Variants in ADGRE2 observed in about 807,000 individuals in gnomAD.
ADGRE2 encodes adhesion G protein-coupled receptor E2.
A neutral mutation model predicts 100.8 loss-of-function variants in ADGRE2; 83 were observed. The ratio of observed to expected loss-of-function variants is 0.82; its 90% CI spans 0.69 to 0.99. ADGRE2 has a LOEUF of 0.99. ADGRE2 is among the 50% of genes least tolerant of loss of function. The pLI is 0.00. For synonymous variants in ADGRE2, 355 were observed against 413.0 expected, an observed-to-expected ratio of 0.86 and a Z score of 1.70; for missense variants, 814 against 1,035.7, an observed-to-expected ratio of 0.79 and a Z score of 2.94.
downstream of ADGRE2, chr19:14,731,100 C>T (rs1007097547): frequency 2.5e-5 from 35 of 1,377,294 alleles, no homozygotes; most frequent in Non-Finnish European, 3.4e-5. Context: ...CCCCTCCCCC[C>T]AAGGATTGGC....
intron 20 of ADGRE2, 104 bp from the exon 21 acceptor site, chr19:14,736,348 G>A (rs1009843522): frequency 8.7e-6 from 6 of 688,564 alleles, no homozygotes; most frequent in East Asian, 3.1e-5. Context: ...TGTAACCCCC[G>A]CCTCCCAGGT....
chr19:14,745,690 C>T (rs889904268), intron 18 of ADGRE2, among the ~76,000 whole-genome samples: 4 of 150,744 alleles, frequency 2.7e-5, no homozygotes, highest in African/African-American at 9.8e-5. Context: ...CCGCAACCTC[C>T]GCCTCCTGGG....
At chr19:14,755,611 G>A (rs763524216) in intron 13 of ADGRE2, 43 bp downstream of exon 13, 2 of 1,554,502 alleles carry the variant, frequency 1.3e-6, no homozygotes, top group South Asian at 2.2e-5. Flanking sequence ...GCTATGCCCG[G>A]ACTCAGACTA....
At position 14,766,216 on chromosome 19, in the gene ADGRE2, T is replaced by C; in HGVS notation, c.634+19A>G. 1 of 1,614,086 alleles carries C rather than the reference T, an allele frequency of 6.2e-7. No individual in the cohort carries two copies. The highest frequency in any genetic ancestry group is 8.5e-7 in the Non-Finnish European group (1 of 1,180,002). On this transcript the variant is annotated intron_variant, in intron 7 of 20. Coordinates refer to ENST00000315576, the MANE Select transcript of ADGRE2 (RefSeq NM_013447.4). ...AGATGTTTGTGGGTCTCTGGGAACG[T>C]GGGATCTGAGCTCTCGACCTTCACA...
chr19:14,770,675 T>TTATC (rs2044168212), intron 5 of ADGRE2, among the ~76,000 whole-genome samples: 1 of 109,178 alleles, frequency 9.2e-6, no homozygotes, highest in Non-Finnish European at 1.8e-5. Flanking sequence ...TTTTCTTTTT[T>TTATC]TTTTTTTTTT....
downstream of ADGRE2, chr19:14,731,086 C>T: frequency 2.5e-6 from 3 of 1,206,994 alleles, no homozygotes; most frequent in Non-Finnish European, 3.5e-6. Flanking sequence ...ACCGCCCCTC[C>T]TGCCCCCTCC....
chr19:14,737,992 A>G (rs2042809700), intron 20 of ADGRE2, among the ~76,000 whole-genome samples: 1 of 151,644 alleles, frequency 6.6e-6, no homozygotes, highest in African/African-American at 2.4e-5. Flanking sequence ...AAAAAAAAAA[A>G]GTTGTATCTG....
intron 12 of ADGRE2, 152 bp downstream of exon 12, chr19:14,756,086 G>T: frequency 1.3e-6 from 1 of 748,536 alleles, no homozygotes; most frequent in Admixed American, 2.1e-5. Flanking sequence ...CCCCAACAAG[G>T]TCCGTTCCTC....
intron 2 of ADGRE2, 152 bp from the exon 3 acceptor site, chr19:14,774,458 C>T (rs1318075216): frequency 6.4e-6 from 9 of 1,416,168 alleles, no homozygotes; most frequent in Non-Finnish European, 8.6e-6. Context: ...TCACGTCCCA[C>T]TCGGATGCTC....
downstream of ADGRE2, among the ~76,000 whole-genome samples, chr19:14,727,856 C>T (rs886699706): frequency 8.5e-5 from 13 of 152,180 alleles, no homozygotes; most frequent in Non-Finnish European, 1.8e-4. Flanking sequence ...TACATGCATG[C>T]AGGTACACCT....
At chr19:14,748,506 A>G (rs10417500) in intron 16 of ADGRE2, among the ~76,000 whole-genome samples, 58,146 of 151,834 alleles carry the variant, frequency 0.38, 12,703 homozygotes, top group African/African-American at 0.59. Context: ...ACGGGGTTTC[A>G]CCATGTTGGC....
chr19:14,774,618 C>T (rs1429111399), intron 2 of ADGRE2, among the ~76,000 whole-genome samples: 2 of 150,290 alleles, frequency 1.3e-5, no homozygotes, highest in East Asian at 3.9e-4. Context: ...AAGCGATCCC[C>T]CTGCCTCACC....
At chr19:14,726,994 T>C in the ADGRE2 span, among the ~76,000 whole-genome samples, 1 of 151,350 alleles carries the variant, frequency 6.6e-6, no homozygotes. Context: ...AAGGAATACC[T>C]GAGGCTGGGT....
rs1025263262 is a variant in ADGRE2 at position 14,733,951 on chromosome 19, T to C, written c.*2285A>G. On this transcript the variant is annotated 3_prime_UTR_variant, in exon 21 of 21. Transcript: ENST00000315576. Reference sequence around the variant, plus strand: ...TCCAAAGCCCCTAAATCAATACTCATTGAGCTTATACGGACAGGCACAGAG... The same window carrying C: ...TCCAAAGCCCCTAAATCAATACTCACTGAGCTTATACGGACAGGCACAGAG... 5.9e-5 allele frequency: 9 copies of C among 152,308 alleles called. No homozygotes were observed. Among genetic ancestry groups the C allele is most frequent in the East Asian group, 5.8e-4 (3 of 5,186 alleles). The allele number at this position is 152,308 out of a possible 1,614,324, so 9.4% of individuals were successfully genotyped here.
the ADGRE2 span, among the ~76,000 whole-genome samples, chr19:14,726,799 A>G: frequency 1.3e-5 from 2 of 152,248 alleles, no homozygotes; most frequent in South Asian, 4.1e-4. Flanking sequence ...TTCACTGTCC[A>G]TATCTCTACC....
In ADGRE2 at chr19:14,746,365, C is replaced by T. The variant is rs769712002; in HGVS notation, c.2092-42G>A. The T allele has an allele frequency of 6.4e-6, 7 of 1,100,432 alleles. 1 individual carries two copies. Among genetic ancestry groups the T allele is most frequent in the South Asian group, 1.4e-5 (1 of 73,990 alleles). The allele number at this position is 1,100,432 out of a possible 1,614,324, so 68.2% of individuals were successfully genotyped here. ...AAGATTTGTTGAATAGATTTTGAAA[C>T]CTGTTATCTCTTTTTTTTTTTTTTT... On this transcript the variant is annotated intron_variant, in intron 17 of 20. Transcript: ENST00000315576.
chr19:14,773,824 T>C, intron 4 of ADGRE2, 114 bp downstream of exon 4: 1 of 980,364 alleles, frequency 1.0e-6, no homozygotes, highest in Non-Finnish European at 1.6e-6. Context: ...CTGGCCATGA[T>C]GATAGTCTGG....
chr19:14,736,721 T>TATAG (rs972041638), intron 20 of ADGRE2, among the ~76,000 whole-genome samples: 3 of 144,546 alleles, frequency 2.1e-5, no homozygotes, highest in Non-Finnish European at 3.0e-5. Flanking sequence ...TTTAGAAATA[T>TATAG]ATAGATATTT....
Position 14,736,001 on chromosome 19 carries a change from A to G in ADGRE2, c.*235T>C, listed in dbSNP as rs1219641134. The G allele has an allele frequency of 2.2e-6, 1 of 457,324 alleles. No individual in the cohort carries two copies. The highest frequency in any genetic ancestry group is 2.0e-5 in the African/African-American group (1 of 49,516). The allele number at this position is 457,324 out of a possible 1,614,324, so 28.3% of individuals were successfully genotyped here. A position where few individuals can be genotyped will look rare whatever the true frequency, so the allele number is the denominator to read the frequency against. On this transcript the variant is annotated 3_prime_UTR_variant, in exon 21 of 21. Transcript: ENST00000315576. The stretch of plus-strand genomic sequence containing the variant: ...CTTCAGAGTGACCAAGATATGGGCC[A>G]CAGCTGGCCGTCCATATGCTGAGAG...
Sources: gnomAD v4.1 joint callset for allele counts (sites outside exome capture counted in the v4.1 genomes callset) on GRCh38, gnomAD v4.1.1 for gene constraint, MANE v1.5 for transcripts, NCBI Gene and HGNC (gene_info 2026-07-23, HGNC 2026-07-21) for gene names.